The following PTPRM variants were observed in gnomAD, a reference collection of about 807,000 sequenced individuals.
PTPRM encodes protein tyrosine phosphatase receptor type M, also known as receptor-type tyrosine-protein phosphatase mu.
A neutral mutation model predicts 186.7 loss-of-function variants in PTPRM; 47 were observed. The ratio of observed to expected loss-of-function variants is 0.25; its 90% confidence interval spans 0.20 to 0.32. The LOEUF (loss-of-function observed/expected upper bound fraction) is 0.32. Among genes scored for constraint, PTPRM ranks in the 10% least tolerant of loss-of-function variants. The pLI is 1.00. For synonymous variants in PTPRM, 668 were observed against 674.9 expected, an observed-to-expected ratio of 0.99 and a Z score of 0.16; for missense variants, 1,494 against 1,865.0, an observed-to-expected ratio of 0.80 and a Z score of 3.66.
chr18:8,322,653 G>C (rs1276036511), intron 22 of PTPRM, among the ~76,000 whole-genome samples: 1 of 152,142 alleles, frequency 6.6e-6, no homozygotes, highest in African/African-American at 2.4e-5. Context: ...GCATGCAAGT[G>C]GGTAGGATTG....
At chr18:7,637,266 C>T (rs919625812) in intron 1 of PTPRM, among the ~76,000 whole-genome samples, 3 of 151,636 alleles carry the variant, frequency 2.0e-5, no homozygotes, top group Admixed American at 2.0e-4. Flanking sequence ...TTTTATTTCC[C>T]TTTATATCCT....
chr18:7,691,614 T>A (rs2039734239), intron 1 of PTPRM, among the ~76,000 whole-genome samples: 1 of 152,112 alleles, frequency 6.6e-6, no homozygotes, highest in African/African-American at 2.4e-5. Flanking sequence ...CTTTAAGAAG[T>A]CAGAGCGTGA....
In PTPRM at chr18:8,316,975, G is replaced by T. The variant is rs114235885; in HGVS notation, c.2919+2118G>T. Among the ~76,000 whole-genome samples, 1,177 of 152,280 alleles carry T rather than the reference G, an allele frequency of 7.7e-3. 9 individuals carry two copies. Among genetic ancestry groups the T allele is most frequent in the African/African-American group, 0.027 (1,133 of 41,568 alleles). On this transcript the variant is annotated intron_variant, in intron 21 of 32. Transcript: ENST00000580170. ...GAAGAAAAGCAAGCAGGCAATCATT[G>T]GCATGGTGTATGGGGGCCTGCGGAG... is the stretch of plus-strand genomic sequence containing the variant.
At chr18:8,088,979 G>A in intron 11 of PTPRM, 128 bp downstream of exon 11, 2 of 663,038 alleles carry the variant, frequency 3.0e-6, no homozygotes, top group Non-Finnish European at 5.2e-6. Context: ...ATGTTTATTA[G>A]CTCTAATTAA....
intron 3 of PTPRM, among the ~76,000 whole-genome samples, chr18:7,891,323 ATC>A: frequency 1.3e-5 from 2 of 149,926 alleles, no homozygotes; most frequent in Middle Eastern, 3.4e-3. Flanking sequence ...AGAAAGCAGA[ATC>A]TCTCTAGCTA....
At chr18:7,730,169 A>C (rs2040628997) in intron 1 of PTPRM, among the ~76,000 whole-genome samples, 1 of 152,186 alleles carries the variant, frequency 6.6e-6, no homozygotes, top group African/African-American at 2.4e-5. Context: ...TGATAACTTT[A>C]ACAAATCTTT....
At chr18:8,147,193 T>G (rs1219657638) in intron 14 of PTPRM, among the ~76,000 whole-genome samples, 3 of 152,212 alleles carry the variant, frequency 2.0e-5, no homozygotes, top group Non-Finnish European at 4.4e-5. Flanking sequence ...AGAACGTCAA[T>G]GGTAGCTTGA....
At chr18:7,785,538 C>A (rs1449198091) in intron 2 of PTPRM, among the ~76,000 whole-genome samples, 1 of 152,090 alleles carries the variant, frequency 6.6e-6, no homozygotes, top group Admixed American at 6.6e-5. Flanking sequence ...TTTTTCTGTA[C>A]TTTTGAAGCT....
chr18:7,919,193 A>C (rs1213776293), intron 4 of PTPRM, among the ~76,000 whole-genome samples: 1 of 151,998 alleles, frequency 6.6e-6, no homozygotes, highest in South Asian at 2.1e-4. Flanking sequence ...TTGGTTACTA[A>C]AGCTTTATAC....
At chr18:7,881,724 A>G (rs2048518213) in intron 2 of PTPRM, among the ~76,000 whole-genome samples, 1 of 152,096 alleles carries the variant, frequency 6.6e-6, no homozygotes, top group African/African-American at 2.4e-5. Flanking sequence ...TCTCCTTAAG[A>G]CATGCAGATG....
At chr18:7,688,090 A>G (rs1358585404) in intron 1 of PTPRM, among the ~76,000 whole-genome samples, 3 of 152,244 alleles carry the variant, frequency 2.0e-5, no homozygotes, top group South Asian at 4.2e-4. Context: ...TTTTTTAAAA[A>G]TTAAAAACAT....
intron 20 of PTPRM, among the ~76,000 whole-genome samples, chr18:8,298,606 C>T (rs1311035295): frequency 6.6e-6 from 1 of 152,192 alleles, no homozygotes; most frequent in East Asian, 1.9e-4. Flanking sequence ...CTTACATATG[C>T]CAGACACTAC....
intron 5 of PTPRM, among the ~76,000 whole-genome samples, chr18:7,931,783 A>T (rs1406647270): frequency 6.6e-6 from 1 of 152,240 alleles, no homozygotes; most frequent in African/African-American, 2.4e-5. Context: ...GTATGGTTGT[A>T]TTAAAACCTT....
chr18:8,236,398 C>T (rs576218090), intron 14 of PTPRM, among the ~76,000 whole-genome samples: 3 of 152,212 alleles, frequency 2.0e-5, no homozygotes, highest in Non-Finnish European at 4.4e-5. Context: ...TTCCAGTTTT[C>T]CTTTGATTAG....
chr18:7,637,603 A>G (rs545016115), intron 1 of PTPRM, among the ~76,000 whole-genome samples: 1 of 152,242 alleles, frequency 6.6e-6, no homozygotes, highest in South Asian at 2.1e-4. Flanking sequence ...GGTATGTTTT[A>G]TATTCTTTTT....
chr18:7,803,740 A>G (rs2044090863), intron 2 of PTPRM, among the ~76,000 whole-genome samples: 1 of 152,188 alleles, frequency 6.6e-6, no homozygotes, highest in Non-Finnish European at 1.5e-5. Flanking sequence ...GGGGCTGTTA[A>G]AGAATGATAT....
intron 31 of PTPRM, among the ~76,000 whole-genome samples, chr18:8,394,130 C>T (rs542789502): frequency 6.6e-6 from 1 of 152,110 alleles, no homozygotes; most frequent in Non-Finnish European, 1.5e-5. Flanking sequence ...CGTCTTTGAA[C>T]GTAACCCGTA....
At chr18:7,589,717 A>G (rs998899965) in intron 1 of PTPRM, among the ~76,000 whole-genome samples, 1 of 152,254 alleles carries the variant, frequency 6.6e-6, no homozygotes, top group Non-Finnish European at 1.5e-5. Context: ...TAATGTAGAT[A>G]TTAAGACTTT....
At chr18:8,051,753 CT>C (rs2087515925) in intron 7 of PTPRM, among the ~76,000 whole-genome samples, 1 of 152,052 alleles carries the variant, frequency 6.6e-6, no homozygotes, top group Non-Finnish European at 1.5e-5. Flanking sequence ...TGTTTCCTTG[CT>C]TTTCTTTTTT....
Sources: gnomAD v4.1 joint callset for allele counts (sites outside exome capture counted in the v4.1 genomes callset) on GRCh38, gnomAD v4.1.1 for gene constraint, MANE v1.5 for transcripts, NCBI Gene and HGNC (gene_info 2026-07-23, HGNC 2026-07-21) for gene names.